The following BCAR3 variants were observed in gnomAD, a reference collection of about 807,000 sequenced individuals.
The protein encoded by BCAR3 is breast cancer anti-estrogen resistance protein 3.
BCAR3 carries 37 observed loss-of-function variants against 80.1 expected under a neutral mutation model. That is an observed-to-expected ratio of 0.46 (90% CI 0.36 to 0.61). The LOEUF (loss-of-function observed/expected upper bound fraction) is 0.61, where lower values mean the gene tolerates loss of function less well. BCAR3 is among the 20% of genes least tolerant of loss of function. The pLI, the probability that BCAR3 is intolerant of heterozygous loss-of-function variation, is 0.00. For synonymous variants in BCAR3, 389 were observed against 418.9 expected (o/e 0.93, Z 0.87); for missense variants, 978 against 1,068.2 (o/e 0.92, Z 1.18).
chr1:93,683,749 A>G (rs1054132335), upstream of BCAR3, among the ~76,000 whole-genome samples: 1 of 152,232 alleles, frequency 6.6e-6, no homozygotes, highest in African/African-American at 2.4e-5. Flanking sequence ...TGTGATGTTA[A>G]AAGTGAAGAC....
chr1:93,762,858 AT>A (rs1263709006), intron 2 of BCAR3, among the ~76,000 whole-genome samples: 1 of 151,718 alleles, frequency 6.6e-6, no homozygotes, highest in Non-Finnish European at 1.5e-5. Context: ...AGTCCCCTCC[AT>A]TCCACCTCAA....
chr1:93,562,158 T>A lies in BCAR3; in HGVS notation c.*83A>T. On this transcript the variant is annotated 3_prime_UTR_variant, in exon 12 of 12. Transcript: ENST00000260502. ...GTATATTGTCAGATTTGCACATTAT[T>A]ACTTTATCAAAAACAGTAAGCTTTC... The A allele has an allele frequency of 7.0e-7, 1 of 1,423,354 alleles. No individual in the cohort carries two copies. Among genetic ancestry groups the A allele is most frequent in the Non-Finnish European group, 9.6e-7 (1 of 1,045,450 alleles). 88.2% of individuals were successfully genotyped at this position (1,423,354 alleles called of 1,614,324 possible). A position where few individuals can be genotyped will look rare whatever the true frequency, so the allele number is the denominator to read the frequency against.
chr1:93,564,900 T>C (rs931278816), intron 11 of BCAR3, among the ~76,000 whole-genome samples: 1 of 152,206 alleles, frequency 6.6e-6, no homozygotes, highest in Admixed American at 6.5e-5. Flanking sequence ...CAGGCAACTC[T>C]TTTAAAGAGA....
chr1:93,805,841 T>G (rs1653636906), intron 2 of BCAR3, among the ~76,000 whole-genome samples: 1 of 152,042 alleles, frequency 6.6e-6, no homozygotes, highest in Admixed American at 6.6e-5. Flanking sequence ...GAACAAAAAC[T>G]TCTAAAAACC....
intron 2 of BCAR3, among the ~76,000 whole-genome samples, chr1:93,735,657 T>A (rs142599646): frequency 2.0e-4 from 31 of 152,360 alleles, no homozygotes; most frequent in African/African-American, 7.2e-4. Context: ...ATATAGTTTT[T>A]CAAGTCTCAA....
At chr1:93,716,280 A>G (rs1339780136) in intron 2 of BCAR3, among the ~76,000 whole-genome samples, 4 of 152,248 alleles carry the variant, frequency 2.6e-5, no homozygotes, top group African/African-American at 9.6e-5. Flanking sequence ...CTTTAAAAGA[A>G]GATCTGCATA....
At chr1:93,812,651 C>T (rs1315148086) in intron 2 of BCAR3, among the ~76,000 whole-genome samples, 1 of 152,222 alleles carries the variant, frequency 6.6e-6, no homozygotes, top group Non-Finnish European at 1.5e-5. Flanking sequence ...ATCCCTACTG[C>T]CCAGCTAGAG....
rs1211984033 is a variant in BCAR3, at chr1:93,582,585, G to A, written c.1402C>T (p.Pro468Ser). 1 of 1,613,588 alleles carries A rather than the reference G, an allele frequency of 6.2e-7. No homozygotes were observed. The highest frequency in any genetic ancestry group is 8.5e-7 in the Non-Finnish European group (1 of 1,179,822). The change falls in exon 7 of 12, where the codon CCC (proline) becomes TCC (serine). Residue 468 changes from proline to serine, a missense_variant. Pro to Ser is a moderately conservative substitution (Grantham distance 74). Transcript: ENST00000260502. Reference protein sequence around the residue: ...LTAKQNEAPGPRNSGVNYLIL... With the variant: ...LTAKQNEAPGSRNSGVNYLIL... Reference sequence around the variant, plus strand: ...AAGTAGTTGACGCCAGAGTTCCGGGGACCTGGCGCCTCATTCTGCTTGGCT... The same window carrying A: ...AAGTAGTTGACGCCAGAGTTCCGGGAACCTGGCGCCTCATTCTGCTTGGCT...
At chr1:93,781,936 G>A (rs576018000) in intron 2 of BCAR3, among the ~76,000 whole-genome samples, 2 of 152,162 alleles carry the variant, frequency 1.3e-5, no homozygotes, top group African/African-American at 4.8e-5. Context: ...GCTAGGATAA[G>A]GTGCCTTTCT....
At chr1:93,665,977 C>T (rs1369797363) in intron 2 of BCAR3, among the ~76,000 whole-genome samples, 1 of 152,106 alleles carries the variant, frequency 6.6e-6, no homozygotes, top group Non-Finnish European at 1.5e-5. Flanking sequence ...AACTATATCT[C>T]GAATCCACAG....
chr1:93,675,064 T>A, intron 1 of BCAR3, 123 bp from the exon 2 acceptor site: 1 of 775,136 alleles, frequency 1.3e-6, no homozygotes, highest in South Asian at 2.4e-5. Flanking sequence ...CATTAACAGA[T>A]CAACATTTAA....
Position 93,642,254 on chromosome 1 carries a change from G to A in BCAR3, c.357+50C>T, listed in dbSNP as rs756078315. On this transcript the variant is annotated intron_variant, in intron 3 of 11. Transcript: ENST00000260502. ...TTTAGCAACTCTGTGTTCCAAATGG[G>A]AAATCTACTACCCAGGGTCACGGCT... The A allele has an allele frequency of 2.2e-5, 35 of 1,583,566 alleles. 1 individual carries two copies. The East Asian group carries it at 6.3e-4, about 28-fold the overall frequency.
At chr1:93,578,168 T>G (rs2101821522) in intron 7 of BCAR3, among the ~76,000 whole-genome samples, 1 of 152,306 alleles carries the variant, frequency 6.6e-6, no homozygotes, top group Non-Finnish European at 1.5e-5. Context: ...CCTCTGCTCC[T>G]TCTTCCACTG....
chr1:93,701,763 C>T (rs1286222170), intron 3 of BCAR3, among the ~76,000 whole-genome samples: 1 of 152,208 alleles, frequency 6.6e-6, no homozygotes, highest in African/African-American at 2.4e-5. Context: ...CCTTGTGGGA[C>T]TGGGAGGACT....
At chr1:93,790,563 A>T (rs1404892168) in intron 2 of BCAR3, among the ~76,000 whole-genome samples, 1 of 150,140 alleles carries the variant, frequency 6.7e-6, no homozygotes, top group Non-Finnish European at 1.5e-5. Context: ...TGGCAGTATA[A>T]TTTAAATCAA....
At chr1:93,722,833 G>C (rs1473548249) in intron 2 of BCAR3, among the ~76,000 whole-genome samples, 1 of 152,160 alleles carries the variant, frequency 6.6e-6, no homozygotes, top group African/African-American at 2.4e-5. Context: ...GGAGCCAAGG[G>C]GGAGGGGAGG....
At chr1:93,683,450 A>G (rs557557242), upstream of BCAR3, among the ~76,000 whole-genome samples, 55 of 152,320 alleles carry the variant, frequency 3.6e-4, no homozygotes, top group African/African-American at 1.3e-3. Flanking sequence ...TCCACCCCTA[A>G]GTGTGCACCC....
chr1:93,805,432 G>A (rs937671411), intron 2 of BCAR3, among the ~76,000 whole-genome samples: 25 of 152,172 alleles, frequency 1.6e-4, no homozygotes, highest in African/African-American at 6.0e-4. Context: ...TGACACCCTC[G>A]CTTGTATAGA....
intron 3 of BCAR3, among the ~76,000 whole-genome samples, chr1:93,693,612 G>A (rs758426575): frequency 6.6e-5 from 10 of 152,106 alleles, no homozygotes; most frequent in Admixed American, 1.3e-4. Context: ...AACACATAGC[G>A]TCCCCCAAAG....
Sources: gnomAD v4.1 joint callset for allele counts (sites outside exome capture counted in the v4.1 genomes callset) on GRCh38, gnomAD v4.1.1 for gene constraint, MANE v1.5 for transcripts, NCBI Gene and HGNC (gene_info 2026-07-23, HGNC 2026-07-21) for gene names.